The following SLC8A3 variants were observed in gnomAD, a reference collection of about 807,000 sequenced individuals.
The protein encoded by SLC8A3 is solute carrier family 8 member A3.
In SLC8A3, 37 loss-of-function variants were observed where a neutral mutation model predicts 65.4. The observed-to-expected ratio is 0.57, with a 90% CI of 0.44 to 0.74. The LOEUF (loss-of-function observed/expected upper bound fraction) is 0.74. SLC8A3 is among the 30% of genes least tolerant of loss of function. SLC8A3 has a pLI of 0.00. For missense variants in SLC8A3, 1,112 were observed against 1,172.1 expected, an observed-to-expected ratio of 0.95 and a Z score of 0.75; for synonymous variants, 461 against 444.5, an observed-to-expected ratio of 1.04 and a Z score of -0.47.
chr14:70,166,127 C>T (rs1897146352), intron 2 of SLC8A3, among the ~76,000 whole-genome samples: 1 of 152,238 alleles, frequency 6.6e-6, no homozygotes, highest in South Asian at 2.1e-4. Flanking sequence ...TCTGGTTACA[C>T]AGTGAGACTG....
chr14:70,119,591 G>A (rs1006824400), intron 2 of SLC8A3, among the ~76,000 whole-genome samples: 1 of 152,194 alleles, frequency 6.6e-6, no homozygotes, highest in Admixed American at 6.5e-5. Flanking sequence ...CTACTTAGTG[G>A]CTGATGCATT....
At chr14:70,124,450 T>G (rs1040398890) in intron 2 of SLC8A3, among the ~76,000 whole-genome samples, 1 of 152,226 alleles carries the variant, frequency 6.6e-6, no homozygotes, top group Non-Finnish European at 1.5e-5. Flanking sequence ...TTCCCTCCAT[T>G]CCCACTATGG....
intron 1 of SLC8A3, among the ~76,000 whole-genome samples, chr14:70,172,157 A>C (rs61978188): frequency 0.15 from 22,793 of 151,972 alleles, 1,796 homozygotes; most frequent in Middle Eastern, 0.18. Flanking sequence ...CTTTTCCCCC[A>C]CCCAGGACCA....
chr14:70,073,637 T>C (rs1594938519), intron 2 of SLC8A3, among the ~76,000 whole-genome samples: 1 of 152,176 alleles, frequency 6.6e-6, no homozygotes, highest in Admixed American at 6.5e-5. Flanking sequence ...AAGTGGCTGG[T>C]TATCTGATTC....
intron 2 of SLC8A3, among the ~76,000 whole-genome samples, chr14:70,081,121 G>C (rs12883875): frequency 6.6e-6 from 1 of 152,004 alleles, no homozygotes; most frequent in African/African-American, 2.4e-5. Context: ...GATACAAGCC[G>C]AGACACTCAA....
intron 3 of SLC8A3, among the ~76,000 whole-genome samples, chr14:70,056,622 T>C (rs1466578796): frequency 6.6e-6 from 1 of 152,208 alleles, no homozygotes; most frequent in Non-Finnish European, 1.5e-5. Context: ...CTGTTTGCTG[T>C]CTATTTTGGC....
intron 2 of SLC8A3, among the ~76,000 whole-genome samples, chr14:70,109,049 A>G (rs1893080837): frequency 1.3e-5 from 2 of 152,192 alleles, no homozygotes; most frequent in African/African-American, 4.8e-5. Flanking sequence ...TTTCATGTGT[A>G]GCACTTTTCA....
chr14:70,166,672 T>C lies in SLC8A3; in HGVS notation c.1751A>G (p.Tyr584Cys). Residue 584 changes from tyrosine to cysteine, a missense_variant, in exon 2 of 7, where the codon TAT becomes TGT. Coordinates refer to ENST00000356921, the MANE Select transcript of SLC8A3 (RefSeq NM_182932.3). ...KGGGEDFEDT[Y>C]GELEFKNDET... ...ATCATTCTTGAATTCCAACTCCCCATATGTGTCTTCAAAGTCCTCACCGCC... is the reference window on the plus strand; with the variant it reads ...ATCATTCTTGAATTCCAACTCCCCACATGTGTCTTCAAAGTCCTCACCGCC... The C allele has an allele frequency of 1.2e-6, 2 of 1,610,274 alleles. No individual in the cohort carries two copies. The highest frequency in any genetic ancestry group is 8.5e-7 in the Non-Finnish European group (1 of 1,177,828).
At chr14:70,070,730 C>T (rs887793057) in intron 2 of SLC8A3, among the ~76,000 whole-genome samples, 4 of 152,124 alleles carry the variant, frequency 2.6e-5, no homozygotes, top group African/African-American at 9.6e-5. Flanking sequence ...GGATGATGTC[C>T]ATGCATAAAA....
intron 2 of SLC8A3, among the ~76,000 whole-genome samples, chr14:70,112,871 C>G (rs552911238): frequency 2.0e-5 from 3 of 152,246 alleles, no homozygotes; most frequent in East Asian, 1.9e-4. Flanking sequence ...TCTCACATGG[C>G]CTTCTCCCCT....
intron 3 of SLC8A3, chr14:70,059,414 C>G (rs938870503): frequency 1.3e-5 from 2 of 152,268 alleles, no homozygotes; most frequent in African/African-American, 4.8e-5. Context: ...GCTTCATTTG[C>G]TAGGAGGCTC....
At chr14:70,107,263 G>GA (rs145225311) in intron 2 of SLC8A3, among the ~76,000 whole-genome samples, 19 of 149,584 alleles carry the variant, frequency 1.3e-4, no homozygotes, top group East Asian at 3.9e-4. Flanking sequence ...AAATGAACTA[G>GA]AAAAAAAAAA....
intron 3 of SLC8A3, 137 bp downstream of exon 3, chr14:70,060,699 A>G (rs1302023857): frequency 5.2e-6 from 4 of 764,610 alleles, no homozygotes; most frequent in African/African-American, 5.1e-5. Flanking sequence ...CCATTGGTCA[A>G]AAAGAGAAAG....
chr14:70,175,483 G>A (rs147570393), intron 1 of SLC8A3, among the ~76,000 whole-genome samples: 160 of 152,252 alleles, frequency 1.1e-3, no homozygotes, highest in Middle Eastern at 3.4e-3. Context: ...GAGTAGGCTA[G>A]GGATCAAGAT....
chr14:70,168,418 G>T lies in SLC8A3; in HGVS notation c.5C>A (p.Ala2Glu), dbSNP rs373370870. Residue 2 changes from alanine (A) to glutamate (E), a missense_variant, in exon 2 of 7, where the codon GCG becomes GAG. Coordinates refer to ENST00000356921, the MANE Select transcript of SLC8A3 (RefSeq NM_182932.3). M[A>E]WLRLQPLTSA... Reference sequence around the variant, plus strand: ...GGTGAGAGGCTGCAACCTTAACCACGCCATACACGAGACTTAGCCACTGGC... The same window carrying T: ...GGTGAGAGGCTGCAACCTTAACCACTCCATACACGAGACTTAGCCACTGGC... The T allele has an allele frequency of 1.2e-6, 2 of 1,611,786 alleles. No homozygotes were observed. The highest frequency in any genetic ancestry group is 2.7e-5 in the African/African-American group (2 of 74,870).
At position 70,167,488 on chromosome 14, in the gene SLC8A3, G is replaced by T. The variant is rs2140371954; in HGVS notation, c.935C>A (p.Ser312Tyr). The T allele has an allele frequency of 6.2e-7, 1 of 1,614,018 alleles. No homozygotes were observed. The highest frequency in any genetic ancestry group is 8.5e-7 in the Non-Finnish European group (1 of 1,179,980). ...GAGAATCCGGATCATCTCTCTGCGG[G>T]ACTCATCCACTTCCTTCCCTTCCAG... ...VPLEGKEVDE[S>Y]RREMIRILKD... The change falls in exon 2 of 7, where the codon TCC becomes TAC. Residue 312 changes from serine (S) to tyrosine (Y), a missense_variant. Physicochemically the swap from Ser to Tyr is moderately radical, Grantham distance 144 (BLOSUM62 -2). Coordinates refer to ENST00000356921, the MANE Select transcript of SLC8A3 (RefSeq NM_182932.3).
Position 70,142,894 on chromosome 14 carries a change from G to A in SLC8A3, c.1784+23745C>T, listed in dbSNP as rs61591260. 9.4e-3 allele frequency among the ~76,000 whole-genome samples: 1,428 copies of A among 152,240 alleles called. 18 individuals are homozygous for A. The highest frequency in any genetic ancestry group is 0.032 in the African/African-American group (1,313 of 41,542). On this transcript the variant is annotated intron_variant, in intron 2 of 6. Transcript: ENST00000356921. ...ACCGTTTTAGAGTTTTTCCTCAGTG[G>A]ATGCAAAATTAACGCATTGCCTTTG...
At chr14:70,091,219 T>C (rs990149052) in intron 2 of SLC8A3, among the ~76,000 whole-genome samples, 2 of 152,212 alleles carry the variant, frequency 1.3e-5, no homozygotes, top group African/African-American at 4.8e-5. Flanking sequence ...TTCTACTCAT[T>C]TTATTATGGG....
rs78006594 is a variant in SLC8A3 at position 70,154,394 on chromosome 14, G to A, written c.1784+12245C>T. Among the ~76,000 whole-genome samples the A allele has an allele frequency of 3.9e-4, 59 of 152,292 alleles. No homozygotes were observed. The East Asian group carries it at 7.5e-3, about 19-fold the overall frequency. On this transcript the variant is annotated intron_variant, in intron 2 of 6. Coordinates refer to ENST00000356921, the MANE Select transcript of SLC8A3 (RefSeq NM_182932.3). ...AAGTTGTCTTTCCACCATTCGGACCGTCAGTCTCACTTCCCAAAAGAAATC... is the reference window on the plus strand; with the variant it reads ...AAGTTGTCTTTCCACCATTCGGACCATCAGTCTCACTTCCCAAAAGAAATC...
Sources: allele counts gnomAD v4.1 joint callset (sites outside exome capture counted in the v4.1 genomes callset), GRCh38; gene constraint gnomAD v4.1.1; transcripts MANE v1.5; gene names NCBI Gene and HGNC (gene_info 2026-07-23, HGNC 2026-07-21).